Variants in TXNDC16 observed in about 807,000 individuals in gnomAD.
TXNDC16 encodes the protein thioredoxin domain-containing protein 16.
TXNDC16 carries 74 observed loss-of-function variants against 85.6 expected under a neutral mutation model. The observed-to-expected ratio is 0.86, with a 90% CI of 0.72 to 1.05. TXNDC16 has a LOEUF of 1.05. TXNDC16 is among the 50% of genes least tolerant of loss of function. The pLI is 0.00. For missense variants in TXNDC16, 959 were observed against 947.0 expected (o/e 1.01, Z -0.17); for synonymous variants, 335 against 326.5 (o/e 1.03, Z -0.28).
At chr14:52,535,459 G>A (rs1353121402) in intron 6 of TXNDC16, among the ~76,000 whole-genome samples, 1 of 152,086 alleles carries the variant, frequency 6.6e-6, no homozygotes, top group Non-Finnish European at 1.5e-5. Context: ...TGTAAGTTTT[G>A]AATTTCCAGG....
At chr14:52,460,870 G>C (rs139799628) in intron 16 of TXNDC16, among the ~76,000 whole-genome samples, 1 of 151,992 alleles carries the variant, frequency 6.6e-6, no homozygotes, top group African/African-American at 2.4e-5. Context: ...GTGCAAAAGA[G>C]AAAACTAAAT....
chr14:52,488,716 C>A (rs960532398), intron 11 of TXNDC16, among the ~76,000 whole-genome samples: 1 of 150,962 alleles, frequency 6.6e-6, no homozygotes, highest in Non-Finnish European at 1.5e-5. Flanking sequence ...CGCCTGTAAT[C>A]CCAGCTACTT....
intron 12 of TXNDC16, among the ~76,000 whole-genome samples, chr14:52,483,256 A>C (rs2036191088): frequency 6.6e-6 from 1 of 152,210 alleles, no homozygotes; most frequent in South Asian, 2.1e-4. Context: ...CTATATGCCA[A>C]GCATTATGAC....
intron 9 of TXNDC16, among the ~76,000 whole-genome samples, chr14:52,500,947 A>G (rs1249242009): frequency 6.6e-6 from 1 of 152,222 alleles, no homozygotes. Context: ...CCTTCTATCT[A>G]CAAATATAAA....
rs1284313481 is a variant in TXNDC16, at chr14:52,482,235, A to G, written c.1307T>C (p.Leu436Pro). ...TGCATAGCACAGTACACTACCTTTC[A>G]GTTTAACTGCCACATCAATATAGGA... ...LQSYIDVAVK[L>P]KGTSTMLLTR... The change falls in exon 14 of 21, where the codon CTG becomes CCG. Residue 436 changes from leucine (L) to proline (P), a missense_variant. Physicochemically the swap from Leu to Pro is moderately conservative, Grantham distance 98. Coordinates refer to ENST00000281741, the MANE Select transcript of TXNDC16 (RefSeq NM_020784.3). 2.5e-6 allele frequency: 4 copies of G among 1,611,946 alleles called. No homozygotes were observed. Among genetic ancestry groups the G allele is most frequent in the Non-Finnish European group, 3.4e-6 (4 of 1,178,848 alleles).
intron 6 of TXNDC16, among the ~76,000 whole-genome samples, chr14:52,530,261 A>AATAAT (rs1258088620): frequency 3.1e-4 from 17 of 54,302 alleles, no homozygotes; most frequent in Non-Finnish European, 4.4e-4. Context: ...TATATTATAT[A>AATAAT]ATATATATTA....
At chr14:52,505,922 C>A (rs1474765443) in intron 9 of TXNDC16, among the ~76,000 whole-genome samples, 1 of 152,098 alleles carries the variant, frequency 6.6e-6, no homozygotes, top group Non-Finnish European at 1.5e-5. Flanking sequence ...ATAAAAACTA[C>A]CATCAGAGAA....
chr14:52,525,153 C>A (rs980677542), intron 6 of TXNDC16, among the ~76,000 whole-genome samples: 1 of 151,958 alleles, frequency 6.6e-6, no homozygotes, highest in Non-Finnish European at 1.5e-5. Flanking sequence ...ACTGCTGCCT[C>A]ATGGCAAATA....
chr14:52,493,198 T>TAC (rs1256648467), intron 9 of TXNDC16, among the ~76,000 whole-genome samples: 1 of 133,700 alleles, frequency 7.5e-6, no homozygotes, highest in Non-Finnish European at 1.5e-5. Flanking sequence ...CTGTTCTATA[T>TAC]ATATATATAT....
At chr14:52,439,127 C>T in intron 20 of TXNDC16, 77 bp downstream of exon 20, 1 of 1,398,378 alleles carries the variant, frequency 7.2e-7, no homozygotes, top group Non-Finnish European at 9.9e-7. Context: ...TCCTACCATT[C>T]TTTAGCTATA....
At chr14:52,545,730 G>A (rs1333591691) in intron 1 of TXNDC16, among the ~76,000 whole-genome samples, 1 of 152,148 alleles carries the variant, frequency 6.6e-6, no homozygotes, top group Non-Finnish European at 1.5e-5. Context: ...TGGCTCTAAG[G>A]AAGAAGAAAG....
chr14:52,517,122 C>G (rs2037101608), intron 7 of TXNDC16, among the ~76,000 whole-genome samples: 1 of 152,166 alleles, frequency 6.6e-6, no homozygotes, highest in African/African-American at 2.4e-5. Context: ...GCACACAACT[C>G]TAACCCATCA....
At chr14:52,519,492 G>C (rs2037161211) in intron 6 of TXNDC16, among the ~76,000 whole-genome samples, 199 bp from the exon 7 acceptor site, 1 of 152,028 alleles carries the variant, frequency 6.6e-6, no homozygotes, top group Non-Finnish European at 1.5e-5. Context: ...CATCAACCAG[G>C]GACAGTTGTG....
chr14:52,437,111 T>C (rs1287043286), intron 20 of TXNDC16, among the ~76,000 whole-genome samples: 1 of 152,102 alleles, frequency 6.6e-6, no homozygotes, highest in East Asian at 1.9e-4. Context: ...TTAATATATA[T>C]ATCCATACTA....
chr14:52,439,510 T>C (rs1340208135), intron 19 of TXNDC16, 116 bp from the exon 20 acceptor site: 2 of 908,810 alleles, frequency 2.2e-6, no homozygotes, highest in South Asian at 2.0e-5. Flanking sequence ...GTTCACTTTA[T>C]GAAAAGATGT....
At chr14:52,502,422 A>T (rs1173094723) in intron 9 of TXNDC16, among the ~76,000 whole-genome samples, 1 of 152,218 alleles carries the variant, frequency 6.6e-6, no homozygotes, top group Non-Finnish European at 1.5e-5. Context: ...TTGACATTGT[A>T]TTTTATAAAA....
At chr14:52,454,404 T>C (rs1024689468) in intron 18 of TXNDC16, among the ~76,000 whole-genome samples, 3 of 147,860 alleles carry the variant, frequency 2.0e-5, no homozygotes, top group African/African-American at 7.5e-5. Context: ...ACAGCCTGGG[T>C]GACGGAAGTG....
intron 20 of TXNDC16, among the ~76,000 whole-genome samples, chr14:52,436,550 T>C (rs2035032133): frequency 6.6e-6 from 1 of 152,140 alleles, no homozygotes; most frequent in African/African-American, 2.4e-5. Flanking sequence ...TTGTACACTC[T>C]AAAAGGGTGA....
chr14:52,514,785 G>A (rs1307392576), intron 8 of TXNDC16, 95 bp downstream of exon 8: 5 of 856,562 alleles, frequency 5.8e-6, no homozygotes, highest in Non-Finnish European at 9.2e-6. Flanking sequence ...CTAAGCCCAT[G>A]CTGTGGGAGC....
Sources: gnomAD v4.1 joint callset for allele counts (sites outside exome capture counted in the v4.1 genomes callset) on GRCh38, gnomAD v4.1.1 for gene constraint, MANE v1.5 for transcripts, NCBI Gene and HGNC (gene_info 2026-07-23, HGNC 2026-07-21) for gene names.